The following DLG2 variants were observed in gnomAD, a reference collection of about 807,000 sequenced individuals.
The protein encoded by DLG2 is discs large MAGUK scaffold protein 2.
A neutral mutation model predicts 132.5 loss-of-function variants in DLG2; 45 were observed. The observed-to-expected ratio is 0.34, with a 90% confidence interval of 0.27 to 0.44. The LOEUF (loss-of-function observed/expected upper bound fraction) is 0.44, where lower values mean the gene tolerates loss of function less well. DLG2 is among the 20% of genes least tolerant of loss of function. DLG2 has a pLI of 1.00. For synonymous variants in DLG2, 424 were observed against 419.6 expected (o/e 1.01, Z -0.13); for missense variants, 1,045 against 1,196.9 (o/e 0.87, Z 1.87).
intron 6 of DLG2, among the ~76,000 whole-genome samples, chr11:84,694,653 T>C (rs540574174): frequency 1.5e-4 from 22 of 151,688 alleles, no homozygotes; most frequent in African/African-American, 5.3e-4. Flanking sequence ...ATTTCAAAAA[T>C]CTTTCTTCCA....
chr11:85,557,814 A>G (rs2077018478), intron 3 of DLG2, among the ~76,000 whole-genome samples: 1 of 151,964 alleles, frequency 6.6e-6, no homozygotes, highest in South Asian at 2.1e-4. Context: ...CTAAAGATGA[A>G]TTAAAGATTT....
intron 3 of DLG2, among the ~76,000 whole-genome samples, chr11:85,506,529 G>A (rs557555513): frequency 6.6e-6 from 1 of 150,832 alleles, no homozygotes; most frequent in African/African-American, 2.4e-5. Flanking sequence ...TGTGATTTTT[G>A]AGTAAGTTTC....
chr11:84,943,153 CGTGTGTGTGTGTGCGTGTGTGTGTGTGT>C (rs1566465770), intron 6 of DLG2, among the ~76,000 whole-genome samples: 2 of 136,362 alleles, frequency 1.5e-5, no homozygotes, highest in Admixed American at 7.6e-5. Flanking sequence ...ATTTTTGGGT[CGTGTGTGTGTGTGCGTGTGTGTGTGTGT>C]GTGTGTGTGT....
intron 3 of DLG2, chr11:85,452,976 C>A: frequency 4.8e-6 from 1 of 206,380 alleles, no homozygotes; most frequent in African/African-American, 2.3e-5. Flanking sequence ...TCAAGTACAC[C>A]TGATCAAAGA....
intron 17 of DLG2, among the ~76,000 whole-genome samples, chr11:83,808,761 G>GT (rs1350904344): frequency 3.3e-5 from 5 of 151,980 alleles, no homozygotes; most frequent in Admixed American, 1.3e-4. Flanking sequence ...ACACTGCACT[G>GT]TACACCGTAC....
chr11:84,579,130 T>C (rs2099510399), intron 6 of DLG2, among the ~76,000 whole-genome samples: 1 of 152,016 alleles, frequency 6.6e-6, no homozygotes, highest in Non-Finnish European at 1.5e-5. Context: ...TGTTCAAAGT[T>C]TTGGGTATAT....
chr11:84,823,372 C>T (rs374903007), intron 6 of DLG2, among the ~76,000 whole-genome samples: 55 of 151,466 alleles, frequency 3.6e-4, no homozygotes, highest in African/African-American at 1.3e-3. Context: ...CATACTTACC[C>T]CTCTCCTCCA....
chr11:83,647,916 A>G (rs915578328), intron 18 of DLG2: 1 of 152,176 alleles, frequency 6.6e-6, no homozygotes, highest in East Asian at 1.9e-4. Flanking sequence ...TCATCATCAC[A>G]TGTTCTATAT....
At chr11:83,921,600 G>A (rs765671639) in intron 15 of DLG2, among the ~76,000 whole-genome samples, 3 of 152,112 alleles carry the variant, frequency 2.0e-5, no homozygotes, top group South Asian at 4.1e-4. Context: ...ATGGTTTAAC[G>A]TTACTATCTT....
At chr11:83,717,823 A>C (rs1434296418) in intron 18 of DLG2, among the ~76,000 whole-genome samples, 1 of 152,234 alleles carries the variant, frequency 6.6e-6, no homozygotes, top group African/African-American at 2.4e-5. Flanking sequence ...GTGGCCTTGC[A>C]GACTGTGGTT....
chr11:84,521,050 A>G (rs1360628006), intron 7 of DLG2, among the ~76,000 whole-genome samples: 2 of 152,200 alleles, frequency 1.3e-5, no homozygotes, highest in African/African-American at 4.8e-5. Flanking sequence ...TTCTTTTTAC[A>G]AAACTATCTC....
intron 3 of DLG2, among the ~76,000 whole-genome samples, chr11:85,455,516 T>A (rs1172651363): frequency 7.2e-5 from 11 of 152,174 alleles, no homozygotes; most frequent in African/African-American, 2.7e-4. Context: ...GCCTTTTATT[T>A]CTTTCTCTTG....
intron 7 of DLG2, among the ~76,000 whole-genome samples, chr11:84,393,190 A>G (rs2098798950): frequency 6.6e-6 from 1 of 152,168 alleles, no homozygotes; most frequent in African/African-American, 2.4e-5. Context: ...CTCCATTCTG[A>G]GCATTTACTT....
intron 11 of DLG2, among the ~76,000 whole-genome samples, chr11:83,996,223 G>T (rs1250854495): frequency 6.6e-6 from 1 of 152,100 alleles, no homozygotes; most frequent in Non-Finnish European, 1.5e-5. Flanking sequence ...TATGAAAGGT[G>T]CTCAACATCA....
intron 4 of DLG2, among the ~76,000 whole-genome samples, chr11:85,251,641 C>T (rs1485574112): frequency 2.6e-5 from 4 of 151,918 alleles, no homozygotes; most frequent in Admixed American, 2.6e-4. Context: ...TCCACTATGC[C>T]AGAGGAAAGA....
chr11:84,288,012 G>C (rs2097932585), intron 7 of DLG2, among the ~76,000 whole-genome samples: 1 of 151,464 alleles, frequency 6.6e-6, no homozygotes, highest in South Asian at 2.1e-4. Flanking sequence ...AGTAAAGCTT[G>C]TAGGCAGTGG....
At chr11:84,387,498 T>C (rs2098775566) in intron 7 of DLG2, among the ~76,000 whole-genome samples, 1 of 152,166 alleles carries the variant, frequency 6.6e-6, no homozygotes, top group Non-Finnish European at 1.5e-5. Flanking sequence ...TTCAGCTTTG[T>C]TGCCTAGCCC....
At chr11:85,530,484 CT>C (rs1486152749) in intron 3 of DLG2, among the ~76,000 whole-genome samples, 1 of 151,800 alleles carries the variant, frequency 6.6e-6, no homozygotes, top group African/African-American at 2.4e-5. Context: ...CCACGCCCAG[CT>C]AATTTTTTTG....
chr11:85,155,688 G>A (rs2077539326), intron 4 of DLG2, among the ~76,000 whole-genome samples: 1 of 151,988 alleles, frequency 6.6e-6, no homozygotes, highest in Admixed American at 6.6e-5. Context: ...TGGCCAACGT[G>A]GTGAAACCCT....
Sources: gnomAD v4.1 joint callset for allele counts (sites outside exome capture counted in the v4.1 genomes callset) on GRCh38, gnomAD v4.1.1 for gene constraint, MANE v1.5 for transcripts, NCBI Gene and HGNC (gene_info 2026-07-23, HGNC 2026-07-21) for gene names.